The following PCDHA6 variants were observed in gnomAD, a reference collection of about 807,000 sequenced individuals.
The protein encoded by PCDHA6 is protocadherin alpha-6.
PCDHA6 carries 55 observed loss-of-function variants against 60.3 expected under a neutral mutation model. The observed-to-expected ratio is 0.91, with a 90% CI of 0.73 to 1.14. The LOEUF (loss-of-function observed/expected upper bound fraction) is 1.14, where lower values mean the gene tolerates loss of function less well. Ranked by LOEUF, PCDHA6 falls within the 50% of genes most tolerant of loss-of-function variation. The pLI, the probability that PCDHA6 is intolerant of heterozygous loss-of-function variation, is 0.00. For missense variants in PCDHA6, 1,327 were observed against 1,256.5 expected (o/e 1.06, Z -0.85); for synonymous variants, 652 against 557.9 (o/e 1.17, Z -2.38).
chr5:141,000,657 A>T (rs1403117310), intron 3 of PCDHA6, among the ~76,000 whole-genome samples: 1 of 151,102 alleles, frequency 6.6e-6, no homozygotes, highest in Non-Finnish European at 1.5e-5. Flanking sequence ...CGAACTCCTG[A>T]CCTCAGGTGA....
At chr5:140,978,716 T>C (rs1317618418) in intron 1 of PCDHA6, among the ~76,000 whole-genome samples, 2 of 152,252 alleles carry the variant, frequency 1.3e-5, no homozygotes, top group African/African-American at 4.8e-5. Flanking sequence ...CTTTACAAGA[T>C]TATTAAATCT....
At chr5:140,907,100 C>T (rs1447787481) in intron 1 of PCDHA6, among the ~76,000 whole-genome samples, 2 of 152,098 alleles carry the variant, frequency 1.3e-5, no homozygotes, top group African/African-American at 4.8e-5. Flanking sequence ...GTGCCACTTC[C>T]ACTTCCACCC....
chr5:141,007,831 C>T (rs1347788424), intron 3 of PCDHA6, among the ~76,000 whole-genome samples: 2 of 152,296 alleles, frequency 1.3e-5, no homozygotes, highest in East Asian at 3.9e-4. Context: ...CAAGTAGCTA[C>T]CCATTAGAGA....
At position 140,849,493 on chromosome 5, in the gene PCDHA6, A is replaced by G. The variant is rs2150439016; in HGVS notation, c.2394+19008A>G. ...AAAGGCTTCCCACCCCTGGCTGGTC[A>G]TTGTACACTTCTTGTGGAAGTTGTG... On this transcript the variant is annotated intron_variant, in intron 1 of 3. Transcript: ENST00000529310. 4.4e-6 allele frequency: 7 copies of G among 1,593,210 alleles called. 2 individuals are homozygous for G. Among genetic ancestry groups the G allele is most frequent in the Non-Finnish European group, 3.4e-6 (4 of 1,164,850 alleles).
chr5:140,962,825 G>A (rs962485906), intron 1 of PCDHA6, among the ~76,000 whole-genome samples: 1 of 152,194 alleles, frequency 6.6e-6, no homozygotes, highest in Non-Finnish European at 1.5e-5. Flanking sequence ...ATGACCATTT[G>A]TCTCTTTTTT....
At chr5:140,973,886 T>C (rs887432391) in intron 1 of PCDHA6, among the ~76,000 whole-genome samples, 2 of 152,242 alleles carry the variant, frequency 1.3e-5, no homozygotes, top group African/African-American at 4.8e-5. Flanking sequence ...TAATGTCAAT[T>C]TGCAAATGTT....
intron 1 of PCDHA6, among the ~76,000 whole-genome samples, chr5:140,901,384 T>C (rs2068629478): frequency 6.6e-6 from 1 of 152,226 alleles, no homozygotes. Flanking sequence ...TAATTCAATA[T>C]TTGTATATGG....
chr5:140,953,045 C>A (rs1414124229), intron 1 of PCDHA6, among the ~76,000 whole-genome samples: 2 of 152,288 alleles, frequency 1.3e-5, no homozygotes, highest in Admixed American at 6.5e-5. Flanking sequence ...CCCCATGATC[C>A]AATCACCTCT....
At chr5:140,913,808 A>T (rs1332519291) in intron 1 of PCDHA6, among the ~76,000 whole-genome samples, 1 of 152,102 alleles carries the variant, frequency 6.6e-6, no homozygotes, top group Non-Finnish European at 1.5e-5. Context: ...TCAAATTTTC[A>T]ATTTCCTTTT....
chr5:140,829,228 A>C lies in PCDHA6; in HGVS notation c.1137A>C (p.Ser379=), dbSNP rs1327321608. The C allele has an allele frequency of 6.2e-7, 1 of 1,614,122 alleles. No homozygotes were observed. Among genetic ancestry groups the C allele is most frequent in the East Asian group, 2.2e-5 (1 of 44,892 alleles). Residue 379 remains serine, a synonymous_variant, in exon 1 of 4, where the codon TCA becomes TCC. Transcript: ENST00000529310. ...IALISVNDLD[S]GANGQVNCSL... is the part of the protein sequence containing the mutation. Reference sequence around the variant, plus strand: ...TAATTAGCGTGAACGACCTCGATTCAGGTGCCAACGGGCAGGTGAACTGCT... The same window carrying C: ...TAATTAGCGTGAACGACCTCGATTCCGGTGCCAACGGGCAGGTGAACTGCT...
chr5:140,876,899 C>T (rs781884794), intron 1 of PCDHA6: 2 of 1,614,092 alleles, frequency 1.2e-6, no homozygotes, highest in South Asian at 2.2e-5. Context: ...CACATCTTCA[C>T]GGTGTCGGCA....
chr5:140,988,206 G>GA (rs200168674), intron 3 of PCDHA6, among the ~76,000 whole-genome samples: 41 of 150,634 alleles, frequency 2.7e-4, no homozygotes, highest in Admixed American at 4.6e-4. Flanking sequence ...TCCTTATTAG[G>GA]AAAAAAAAAT....
In PCDHA6 at chr5:140,829,584, G is replaced by A. The variant is rs1198811288; in HGVS notation, c.1493G>A (p.Arg498Gln). ...ALVSYSLVER[R>Q]VGERALSSYI... ...GTGTCCTACTCGCTGGTGGAGCGGC[G>A]GGTGGGCGAGCGCGCGTTGTCGAGC... Residue 498 changes from arginine to glutamine, a missense_variant, in exon 1 of 4, where the codon CGG (arginine) becomes CAG (glutamine). Physicochemically the swap from Arg to Gln is conservative, Grantham distance 43. Coordinates refer to ENST00000529310, the MANE Select transcript of PCDHA6 (RefSeq NM_018909.4). 5 of 1,612,124 alleles carry A rather than the reference G, an allele frequency of 3.1e-6. No individual in the cohort carries two copies. In the African/African-American group the frequency reaches 5.3e-5, roughly 17 times the overall value.
chr5:140,875,192 C>A, intron 1 of PCDHA6: 2 of 509,100 alleles, frequency 3.9e-6, no homozygotes, highest in Non-Finnish European at 6.3e-6. Context: ...AAGAGTGACC[C>A]AGGAAGTGGC....
intron 1 of PCDHA6, among the ~76,000 whole-genome samples, chr5:140,962,827 C>T (rs1229108981): frequency 6.6e-6 from 1 of 152,164 alleles, no homozygotes; most frequent in East Asian, 1.9e-4. Flanking sequence ...GACCATTTGT[C>T]TCTTTTTTAT....
intron 1 of PCDHA6, chr5:140,871,327 C>T (rs782093100): frequency 6.2e-6 from 10 of 1,613,984 alleles, no homozygotes; most frequent in East Asian, 4.5e-5. Context: ...GGTGTGCTCC[C>T]GCGCGGTGGG....
At chr5:140,875,342 A>G in intron 1 of PCDHA6, 1 of 1,443,152 alleles carries the variant, frequency 6.9e-7, no homozygotes, top group South Asian at 1.5e-5. Flanking sequence ...GATCGACTCC[A>G]TAATGACTGT....
chr5:140,870,595 T>C, intron 1 of PCDHA6: 3 of 1,613,242 alleles, frequency 1.9e-6, no homozygotes, highest in Non-Finnish European at 2.5e-6. Flanking sequence ...GGAGCGGCGG[T>C]TGGGCGACCG....
chr5:140,951,507 C>T (rs2094591964), intron 1 of PCDHA6, among the ~76,000 whole-genome samples: 1 of 151,952 alleles, frequency 6.6e-6, no homozygotes, highest in Admixed American at 6.6e-5. Context: ...AAAAGGAAAG[C>T]GGCTCATCTT....
Sources: gnomAD v4.1 joint callset for allele counts (sites outside exome capture counted in the v4.1 genomes callset) on GRCh38, gnomAD v4.1.1 for gene constraint, MANE v1.5 for transcripts, NCBI Gene and HGNC (gene_info 2026-07-23, HGNC 2026-07-21) for gene names.